The following KLHL2 variants were observed in gnomAD, a reference collection of about 807,000 sequenced individuals.
KLHL2 encodes the protein kelch-like protein 2.
A neutral mutation model predicts 75.8 loss-of-function variants in KLHL2; 15 were observed. The ratio of observed to expected loss-of-function variants is 0.20; its 90% CI spans 0.13 to 0.30. The LOEUF (loss-of-function observed/expected upper bound fraction) is 0.30, where lower values mean the gene tolerates loss of function less well. Among genes scored for constraint, KLHL2 ranks in the 10% least tolerant of loss-of-function variants. KLHL2 has a pLI of 1.00. For missense variants in KLHL2, 381 were observed against 741.0 expected, an observed-to-expected ratio of 0.51 and a Z score of 5.64; for synonymous variants, 214 against 251.9, an observed-to-expected ratio of 0.85 and a Z score of 1.42.
chr4:165,255,013 C>A (rs1231596840), intron 4 of KLHL2, among the ~76,000 whole-genome samples: 1 of 152,186 alleles, frequency 6.6e-6, no homozygotes, highest in South Asian at 2.1e-4. Context: ...AAATCGTTGA[C>A]TGACATTTAA....
intron 5 of KLHL2, chr4:165,278,566 G>C: frequency 6.2e-7 from 1 of 1,609,966 alleles, no homozygotes; most frequent in Middle Eastern, 1.7e-4. Flanking sequence ...ATGCTGGGAC[G>C]AAGTAGCAGC....
chr4:165,317,455 C>T (rs1027053274), intron 13 of KLHL2, among the ~76,000 whole-genome samples: 1 of 151,888 alleles, frequency 6.6e-6, no homozygotes, highest in East Asian at 1.9e-4. Context: ...CTCTGCCTCC[C>T]TGGGTTCAAG....
intron 11 of KLHL2, among the ~76,000 whole-genome samples, chr4:165,312,375 C>G (rs1746270697): frequency 6.6e-6 from 1 of 151,972 alleles, no homozygotes; most frequent in Non-Finnish European, 1.5e-5. Flanking sequence ...TATTTATATC[C>G]TACTTTGTCT....
In KLHL2 at chr4:165,207,805, C is replaced by G; in HGVS notation, c.-72C>G. The G allele has an allele frequency of 1.5e-6, 2 of 1,344,760 alleles. No individual in the cohort carries two copies. The highest frequency in any genetic ancestry group is 2.0e-6 in the Non-Finnish European group (2 of 1,016,778). The allele number at this position is 1,344,760 out of a possible 1,614,324, so 83.3% of individuals were successfully genotyped here. ...ACGCGGCTCGGCGGGCGGGCAGTGC[C>G]GGCGTCCGCGGCTGGAATGGTGCTG... is the stretch of plus-strand genomic sequence containing the variant. On this transcript the variant is annotated 5_prime_UTR_variant, in exon 1 of 15. Transcript: ENST00000226725. This position sits in a 1 kb window ranked among gnomAD's most constrained non-coding sequence, Gnocchi z 4.2.
intron 14 of KLHL2, 35 bp downstream of exon 14, chr4:165,318,004 AAAG>A: frequency 6.3e-7 from 1 of 1,596,104 alleles, no homozygotes; most frequent in Non-Finnish European, 8.6e-7. Context: ...TTCCGTACAA[AAAG>A]ATGACCTCAT....
At position 165,321,888 on chromosome 4, in the gene KLHL2, C is replaced by T. The variant is rs932075229; in HGVS notation, c.1754-144C>T. On this transcript the variant is annotated intron_variant, in intron 14 of 14. Transcript: ENST00000226725. The stretch of plus-strand genomic sequence containing the variant: ...TGTCATTTAGATTCAAATGATAATA[C>T]TACTAAAGTTTAAGAAAGAGATTCT... 6.8e-6 allele frequency: 5 copies of T among 738,128 alleles called. No individual in the cohort carries two copies. The African/African-American group carries it at 7.0e-5, about 10-fold the overall frequency. The allele number at this position is 738,128 out of a possible 1,614,324, so 45.7% of individuals were successfully genotyped here.
intron 5 of KLHL2, among the ~76,000 whole-genome samples, chr4:165,270,760 G>A (rs912899979): frequency 6.6e-6 from 1 of 152,106 alleles, no homozygotes; most frequent in African/African-American, 2.4e-5. Context: ...GTGTCTCCCA[G>A]TCAGGCTACA....
Position 165,207,963 on chromosome 4 carries a change from C to G in KLHL2, c.26+61C>G. ...ATAAGCGCGCCGCTGCGGCGCGTGT[C>G]GCCGGCCGCGGGCGCAGCTCTGGGG... On this transcript the variant is annotated intron_variant, in intron 1 of 14. Coordinates refer to ENST00000226725, the MANE Select transcript of KLHL2 (RefSeq NM_007246.4). The surrounding 1 kb of genome is among the most constrained non-coding windows in gnomAD (Gnocchi z 4.2). 1.6e-6 allele frequency: 2 copies of G among 1,239,758 alleles called. No individual in the cohort carries two copies. The highest frequency in any genetic ancestry group is 1.0e-6 in the Non-Finnish European group (1 of 983,616). The allele number at this position is 1,239,758 out of a possible 1,614,324, so 76.8% of individuals were successfully genotyped here. A position where few individuals can be genotyped will look rare whatever the true frequency, so the allele number is the denominator to read the frequency against.
intron 4 of KLHL2, among the ~76,000 whole-genome samples, chr4:165,239,412 G>A (rs184710479): frequency 4.6e-5 from 7 of 152,132 alleles, no homozygotes; most frequent in Non-Finnish European, 7.4e-5. Flanking sequence ...GACTACAGGC[G>A]TGTGCCACTA....
chr4:165,293,196 T>C (rs1744646920), intron 5 of KLHL2, among the ~76,000 whole-genome samples: 1 of 152,064 alleles, frequency 6.6e-6, no homozygotes, highest in Admixed American at 6.6e-5. Flanking sequence ...CTTTGTAAGG[T>C]TTTCAATCAT....
intron 4 of KLHL2, among the ~76,000 whole-genome samples, chr4:165,250,338 C>A (rs1399025003): frequency 1.3e-5 from 2 of 152,162 alleles, no homozygotes; most frequent in African/African-American, 4.8e-5. Context: ...TGAACAGAAA[C>A]ATCTACTGAG....
intron 4 of KLHL2, among the ~76,000 whole-genome samples, chr4:165,242,632 G>C (rs934784882): frequency 2.6e-5 from 4 of 152,056 alleles, no homozygotes; most frequent in Admixed American, 6.6e-5. Context: ...AAGTAGCTGG[G>C]ACTACAGACA....
At chr4:165,312,652 ATCT>A (rs1489742960) in intron 11 of KLHL2, among the ~76,000 whole-genome samples, 1 of 152,150 alleles carries the variant, frequency 6.6e-6, no homozygotes, top group Non-Finnish European at 1.5e-5. Context: ...TCTTACTCGT[ATCT>A]TACCCAACCT....
Position 165,319,993 on chromosome 4 carries a change from T to G in KLHL2, c.1753+2024T>G, listed in dbSNP as rs1380095586. On this transcript the variant is annotated intron_variant, in intron 14 of 14. Coordinates refer to ENST00000226725, the MANE Select transcript of KLHL2 (RefSeq NM_007246.4). This position sits in a 1 kb window ranked among gnomAD's most constrained non-coding sequence, Gnocchi z 4.5. ...TCAGCCTACTCAAGCAAAGGATGAC[T>G]TGATAATTTTGGAAAGGGGTTTGGC... Among the ~76,000 whole-genome samples the G allele has an allele frequency of 6.6e-6, 1 of 152,090 alleles. No homozygotes were observed.
intron 2 of KLHL2, among the ~76,000 whole-genome samples, chr4:165,221,221 G>T (rs1737961588): frequency 6.6e-6 from 1 of 152,222 alleles, no homozygotes; most frequent in African/African-American, 2.4e-5. Flanking sequence ...CAGGAAGCAG[G>T]CATTCATCAA....
At chr4:165,264,084 T>C (rs531241216) in intron 5 of KLHL2, among the ~76,000 whole-genome samples, 1 of 152,284 alleles carries the variant, frequency 6.6e-6, no homozygotes, top group East Asian at 1.9e-4. Flanking sequence ...GACATTGTTA[T>C]AGCTTTGAAT....
chr4:165,244,614 C>T (rs181461287), intron 4 of KLHL2, among the ~76,000 whole-genome samples: 33 of 152,170 alleles, frequency 2.2e-4, no homozygotes, highest in Admixed American at 6.5e-4. Flanking sequence ...GATAAGTACT[C>T]GGTCCTGGTG....
intron 8 of KLHL2, among the ~76,000 whole-genome samples, chr4:165,301,863 G>A (rs896888292): frequency 2.6e-5 from 4 of 151,892 alleles, no homozygotes; most frequent in Non-Finnish European, 4.4e-5. Flanking sequence ...GACCTTTAGA[G>A]TGAAAGTGAA....
Position 165,219,943 on chromosome 4 carries a change from G to A in KLHL2, c.36G>A (p.Lys12=). 2 of 1,613,078 alleles carry A rather than the reference G, an allele frequency of 1.2e-6. No individual in the cohort carries two copies. Among genetic ancestry groups the A allele is most frequent in the Admixed American group, 1.7e-5 (1 of 59,824 alleles). ...ETPPLPPACT[K]QGHQKPLDSK... is the part of the protein sequence containing the mutation. ...TTTCTTTTATGTACAGATGCACAAA[G>A]CAGGGTCATCAGAAGCCTCTCGATT... Residue 12 remains lysine (K), a synonymous_variant, in exon 2 of 15, where the codon AAG becomes AAA. Coordinates refer to ENST00000226725, the MANE Select transcript of KLHL2 (RefSeq NM_007246.4).
Sources: gnomAD v4.1 joint callset for allele counts (sites outside exome capture counted in the v4.1 genomes callset) on GRCh38, gnomAD v4.1.1 for gene constraint, Gnocchi (gnomAD v3.1) non-coding constraint, MANE v1.5 for transcripts, NCBI Gene and HGNC (gene_info 2026-07-23, HGNC 2026-07-21) for gene names.